KCNH6: variants seen among roughly 807,000 people sequenced by gnomAD.
KCNH6 encodes potassium voltage-gated channel subfamily H member 6.
In KCNH6, 81 loss-of-function variants were observed where a neutral mutation model predicts 83.4. The observed-to-expected ratio is 0.97, with a 90% CI of 0.81 to 1.17. KCNH6 has a LOEUF of 1.17. Among genes scored for constraint, KCNH6 ranks in the 50% most tolerant of loss-of-function variants. The probability of loss-of-function intolerance (pLI) is 0.00; values close to 1 mark genes in which losing one functional copy is unlikely to be tolerated. For synonymous variants in KCNH6, 503 were observed against 545.6 expected, an observed-to-expected ratio of 0.92 and a Z score of 1.09; for missense variants, 1,203 against 1,290.5, an observed-to-expected ratio of 0.93 and a Z score of 1.04.
intron 9 of KCNH6, 74 bp downstream of exon 9, chr17:63,542,508 G>A: frequency 1.5e-6 from 2 of 1,292,270 alleles, no homozygotes; most frequent in Non-Finnish European, 2.2e-6. Flanking sequence ...GCACCCATCT[G>A]ACCAACACCC....
At chr17:63,543,815 C>T (rs2033005518) in intron 10 of KCNH6, among the ~76,000 whole-genome samples, 155 bp downstream of exon 10, 1 of 152,032 alleles carries the variant, frequency 6.6e-6, no homozygotes, top group Non-Finnish European at 1.5e-5. Context: ...CCTTGGCCCT[C>T]CTTCCTCCCC....
At chr17:63,529,414 C>T (rs993491811) in intron 2 of KCNH6, among the ~76,000 whole-genome samples, 2 of 152,226 alleles carry the variant, frequency 1.3e-5, no homozygotes, top group Non-Finnish European at 1.5e-5. Context: ...CAGCCTGGTT[C>T]TGGCCCCAGC....
chr17:63,544,413 T>A lies in KCNH6; in HGVS notation c.2396+2T>A, dbSNP rs771002979. On this transcript the variant is annotated splice_donor_variant, in intron 11 of 12. Coordinates refer to ENST00000314672, the MANE Select transcript of KCNH6 (RefSeq NM_001278919.2). LOFTEE classifies it high-confidence loss of function. ...GCAGCTCCAGGCCCAGATGAACAGG[T>A]GTGTGTGCTGTGGTCAGGGCTGGGG... The A allele has an allele frequency of 1.3e-6, 2 of 1,556,926 alleles. No homozygotes were observed. Among genetic ancestry groups the A allele is most frequent in the Non-Finnish European group, 1.7e-6 (2 of 1,153,424 alleles).
In KCNH6 at chr17:63,542,414, G is replaced by A. The variant is rs772674380; in HGVS notation, c.2128G>A (p.Val710Ile). ...FAESFWSKLE[V>I]TFNLRDAAGG... ...GGAGAGCTTCTGGAGTAAGCTGGAGGTCACCTTCAACCTGCGGGACGTGAG... is the reference window on the plus strand; with the variant it reads ...GGAGAGCTTCTGGAGTAAGCTGGAGATCACCTTCAACCTGCGGGACGTGAG... Residue 710 changes from valine (V) to isoleucine (I), a missense_variant, in exon 9 of 13, where the codon GTC becomes ATC. Physicochemically the swap from Val to Ile is conservative, Grantham distance 29 (BLOSUM62 3). Coordinates refer to ENST00000314672, the MANE Select transcript of KCNH6 (RefSeq NM_001278919.2). 3.7e-6 allele frequency: 6 copies of A among 1,614,092 alleles called. No homozygotes were observed. In the South Asian group the frequency reaches 6.6e-5, roughly 18 times the overall value.
chr17:63,535,280 G>A lies in KCNH6; in HGVS notation c.1102-389G>A, dbSNP rs978825470. On this transcript the variant is annotated intron_variant, in intron 5 of 12. Transcript: ENST00000314672. This position sits in a 1 kb window ranked among gnomAD's most constrained non-coding sequence, Gnocchi z 4.9. ...ACACTCGGTTTCCCACATCGGCCACGCACTTCACACCTCAGTGCCGCTGCT... is the reference window on the plus strand; with the variant it reads ...ACACTCGGTTTCCCACATCGGCCACACACTTCACACCTCAGTGCCGCTGCT... Among the ~76,000 whole-genome samples the A allele has an allele frequency of 1.3e-5, 2 of 152,080 alleles. No homozygotes were observed. The highest frequency in any genetic ancestry group is 4.8e-5 in the African/African-American group (2 of 41,400).
In KCNH6 at chr17:63,546,621, T is replaced by G. The variant is rs41315068; in HGVS notation, c.*719T>G. The G allele has an allele frequency of 6.6e-6, 1 of 152,272 alleles. No homozygotes were observed. Among genetic ancestry groups the G allele is most frequent in the Non-Finnish European group, 1.5e-5 (1 of 68,118 alleles). The allele number at this position is 152,272 out of a possible 1,614,324, so 9.4% of individuals were successfully genotyped here. ...ATGGAGGTATGTTCTGTGGCAGACA[T>G]GTCAGGACAGTCCTCCAGCCCTCTG... is the stretch of plus-strand genomic sequence containing the variant. On this transcript the variant is annotated 3_prime_UTR_variant, in exon 13 of 13. Transcript: ENST00000314672.
At chr17:63,542,062 C>T (rs996220515) in intron 8 of KCNH6, among the ~76,000 whole-genome samples, 179 bp from the exon 9 acceptor site, 1 of 152,160 alleles carries the variant, frequency 6.6e-6, no homozygotes, top group African/African-American at 2.4e-5. Flanking sequence ...AGAGAACAGC[C>T]CCACCCCTAC....
chr17:63,524,044 TC>T, intron 1 of KCNH6, 94 bp from the exon 2 acceptor site: 1 of 858,676 alleles, frequency 1.2e-6, no homozygotes, highest in Non-Finnish European at 2.0e-6. Flanking sequence ...CTGCCTAAAT[TC>T]CCCTTACTGC....
At position 63,545,807 on chromosome 17, in the gene KCNH6, T is replaced by C; in HGVS notation, c.2782T>C (p.Ser928Pro). 6.2e-7 allele frequency: 1 copy of C among 1,614,066 alleles called. No homozygotes were observed. The highest frequency in any genetic ancestry group is 8.5e-7 in the Non-Finnish European group (1 of 1,180,004). ...VQGLICGPCF[S>P]SLPEHLGSVP... ...AGGACTCATCTGTGGTCCCTGCTTCTCCTCCCTCCCTGAACACCTTGGCTC... is the reference window on the plus strand; with the variant it reads ...AGGACTCATCTGTGGTCCCTGCTTCCCCTCCCTCCCTGAACACCTTGGCTC... The change falls in exon 13 of 13, where the codon TCC (serine) becomes CCC (proline). Residue 928 changes from serine to proline, a missense_variant. By Grantham distance (74) the Ser-to-Pro change is moderately conservative (BLOSUM62 -1). Coordinates refer to ENST00000314672, the MANE Select transcript of KCNH6 (RefSeq NM_001278919.2).
In KCNH6 at chr17:63,538,165, G is replaced by T; in HGVS notation, c.1602G>T (p.Glu534Asp). 1 of 1,614,174 alleles carries T rather than the reference G, an allele frequency of 6.2e-7. No individual in the cohort carries two copies. The highest frequency in any genetic ancestry group is 1.3e-5 in the African/African-American group (1 of 75,066). The change falls in exon 7 of 13, where the codon GAG becomes GAT. Residue 534 changes from glutamate (E) to aspartate (D), a missense_variant. Transcript: ENST00000314672. This position sits in a 1 kb window ranked among gnomAD's most constrained non-coding sequence, Gnocchi z 4.0. ...ACACGCAGATGCTGCGTGTCAAGGA[G>T]TTCATCCGCTTCCACCAGATCCCCA... ...RYHTQMLRVK[E>D]FIRFHQIPNP...
intron 2 of KCNH6, among the ~76,000 whole-genome samples, chr17:63,525,380 A>G (rs1254111616): frequency 6.6e-6 from 1 of 152,176 alleles, no homozygotes; most frequent in Non-Finnish European, 1.5e-5. Flanking sequence ...AAGAGGAGAG[A>G]AAGGACCCCA....
chr17:63,545,687 G>A lies in KCNH6; in HGVS notation c.2662G>A (p.Ala888Thr), dbSNP rs961588745. The part of the protein sequence containing the change: ...SSPRMPHLAV[A>T]TDKTLAPSSE... ...CCCCAGGATGCCTCACCTGGCTGTG[G>A]CAACGGACAAAACTCTGGCACCATC... The change falls in exon 13 of 13, where the codon GCA becomes ACA. Residue 888 changes from alanine (A) to threonine (T), a missense_variant. By Grantham distance (58) the Ala-to-Thr change is moderately conservative (BLOSUM62 0). Coordinates refer to ENST00000314672, the MANE Select transcript of KCNH6 (RefSeq NM_001278919.2). 2.5e-6 allele frequency: 4 copies of A among 1,613,870 alleles called. No individual in the cohort carries two copies. The highest frequency in any genetic ancestry group is 1.6e-4 in the Middle Eastern group (1 of 6,084).
chr17:63,544,267 G>A lies in KCNH6; in HGVS notation c.2252G>A (p.Ser751Asn). 6.3e-7 allele frequency: 1 copy of A among 1,591,690 alleles called. No individual in the cohort carries two copies. Among genetic ancestry groups the A allele is most frequent in the Admixed American group, 1.7e-5 (1 of 57,832 alleles). Residue 751 changes from serine (S) to asparagine (N), a missense_variant, in exon 11 of 13, where the codon AGC becomes AAC. Physicochemically the swap from Ser to Asn is conservative, Grantham distance 46. Transcript: ENST00000314672. Reference sequence around the variant, plus strand: ...CCTGCAGATGCAGCCCCTCCCCTGAGCATCTCAGATGCATCTGGCCTCTGG... The same window carrying A: ...CCTGCAGATGCAGCCCCTCCCCTGAACATCTCAGATGCATCTGGCCTCTGG... Reference protein sequence around the residue: ...DNQSDAAPPLSISDASGLWPE... With the variant: ...DNQSDAAPPLNISDASGLWPE...
chr17:63,524,827 T>C (rs1355934104), intron 2 of KCNH6, among the ~76,000 whole-genome samples: 1 of 152,146 alleles, frequency 6.6e-6, no homozygotes, highest in East Asian at 1.9e-4. Context: ...CAGTCTCAGC[T>C]CTTTGGGGAG....
At chr17:63,542,682 A>G (rs1453781145) in intron 9 of KCNH6, among the ~76,000 whole-genome samples, 2 of 152,180 alleles carry the variant, frequency 1.3e-5, no homozygotes, top group African/African-American at 4.8e-5. Flanking sequence ...ATTATCCCCA[A>G]TTTTCAGATG....
intron 4 of KCNH6, among the ~76,000 whole-genome samples, chr17:63,530,797 A>T (rs1043273733): frequency 1.3e-5 from 2 of 152,152 alleles, no homozygotes; most frequent in Non-Finnish European, 2.9e-5. Flanking sequence ...CCTGTGAATG[A>T]TGCCACCTCC....
chr17:63,536,952 C>CAAAAAAAA (rs60039258), intron 6 of KCNH6, among the ~76,000 whole-genome samples: 9 of 56,536 alleles, frequency 1.6e-4, no homozygotes, highest in Admixed American at 2.7e-4. Context: ...GACTCCGTCT[C>CAAAAAAAA]AAAAAAAAAA....
chr17:63,527,916 C>T (rs1490003569), intron 2 of KCNH6, among the ~76,000 whole-genome samples: 2 of 152,188 alleles, frequency 1.3e-5, no homozygotes, highest in Non-Finnish European at 2.9e-5. Flanking sequence ...CACCCCACCC[C>T]AGCCCCAGAC....
intron 4 of KCNH6, among the ~76,000 whole-genome samples, chr17:63,530,905 G>C (rs1396061519): frequency 6.6e-6 from 1 of 152,208 alleles, no homozygotes; most frequent in Non-Finnish European, 1.5e-5. Flanking sequence ...GCAGAGAGGA[G>C]ACATGCCAAG....
Sources: gnomAD v4.1 joint callset for allele counts (sites outside exome capture counted in the v4.1 genomes callset) on GRCh38, gnomAD v4.1.1 for gene constraint, Gnocchi (gnomAD v3.1) non-coding constraint, MANE v1.5 for transcripts, NCBI Gene and HGNC (gene_info 2026-07-23, HGNC 2026-07-21) for gene names.